The following PCDHGB2 variants were observed in gnomAD, a reference collection of about 807,000 sequenced individuals.
The protein encoded by PCDHGB2 is protocadherin gamma subfamily B, 2, also known as protocadherin gamma-B2.
Under a neutral mutation model 59.3 loss-of-function variants are expected in PCDHGB2, and 55 were observed. That is an observed-to-expected ratio of 0.93 (90% CI 0.75 to 1.16). PCDHGB2 has a LOEUF of 1.16. Ranked by LOEUF, PCDHGB2 falls within the 50% of genes most tolerant of loss-of-function variation. The probability of loss-of-function intolerance (pLI) is 0.00; values close to 1 mark genes in which losing one functional copy is unlikely to be tolerated. For missense variants in PCDHGB2, 1,228 were observed against 1,198.5 expected, an observed-to-expected ratio of 1.02 and a Z score of -0.36; for synonymous variants, 516 against 512.0, an observed-to-expected ratio of 1.01 and a Z score of -0.11.
intron 1 of PCDHGB2, among the ~76,000 whole-genome samples, chr5:141,474,234 T>C (rs1458919904): frequency 6.6e-6 from 1 of 152,204 alleles, no homozygotes; most frequent in Non-Finnish European, 1.5e-5. Flanking sequence ...TAAGTGATGC[T>C]GAATAGGGGA....
chr5:141,457,428 C>G (rs72790053), intron 1 of PCDHGB2, among the ~76,000 whole-genome samples: 1,866 of 152,262 alleles, frequency 0.012, 18 homozygotes, highest in Non-Finnish European at 0.017. Context: ...TTTTTCCCCC[C>G]CACCAAGCTG....
Position 141,456,380 on chromosome 5 carries a change from C to T in PCDHGB2, c.2422-38427C>T, listed in dbSNP as rs186993611. ...CCATGTGTGGTTCAGTTTACAGCAC[C>T]GTTTGGAGTTTGATTGCTTCTAGGC... is the stretch of plus-strand genomic sequence containing the variant. On this transcript the variant is annotated intron_variant, in intron 1 of 3. Coordinates refer to ENST00000522605, the MANE Select transcript of PCDHGB2 (RefSeq NM_018923.3). Among the ~76,000 whole-genome samples, 427 of 152,082 alleles carry T rather than the reference C, an allele frequency of 2.8e-3. 1 individual carries two copies. Among genetic ancestry groups the T allele is most frequent in the Non-Finnish European group, 2.7e-3 (184 of 68,004 alleles).
At chr5:141,422,149 C>G in intron 1 of PCDHGB2, 1 of 1,577,238 alleles carries the variant, frequency 6.3e-7, no homozygotes. Context: ...ACGGGGGTCT[C>G]TGGATTTTGA....
intron 1 of PCDHGB2, among the ~76,000 whole-genome samples, chr5:141,380,184 G>A (rs1776280762): frequency 6.6e-6 from 1 of 152,160 alleles, no homozygotes; most frequent in South Asian, 2.1e-4. Flanking sequence ...ACAGGCATGA[G>A]CCACTGAGCC....
chr5:141,411,859 C>CA (rs553337516), intron 1 of PCDHGB2: 8,585 of 145,752 alleles, frequency 0.059, 330 homozygotes, highest in Non-Finnish European at 0.088. Context: ...GACCCTGTCT[C>CA]AAAAAAAAAA....
rs1247556723 is a variant in PCDHGB2 at position 141,489,841 on chromosome 5, G to A, written c.2422-4966G>A. 6.2e-7 allele frequency: 1 copy of A among 1,614,224 alleles called. No individual in the cohort carries two copies. The highest frequency in any genetic ancestry group is 1.7e-5 in the Admixed American group (1 of 60,032). On this transcript the variant is annotated intron_variant, in intron 1 of 3. Coordinates refer to ENST00000522605, the MANE Select transcript of PCDHGB2 (RefSeq NM_018923.3). The surrounding 1 kb of genome is among the most constrained non-coding windows in gnomAD (Gnocchi z 4.5). Reference sequence around the variant, plus strand: ...AGAGCTGGTGCTAGAGCAGCAGCTGGATCGTGAAGCCCAGGCAAGACATCA... The same window carrying A: ...AGAGCTGGTGCTAGAGCAGCAGCTGAATCGTGAAGCCCAGGCAAGACATCA...
intron 1 of PCDHGB2, among the ~76,000 whole-genome samples, chr5:141,447,728 A>G (rs2098549955): frequency 6.6e-6 from 1 of 152,204 alleles, no homozygotes; most frequent in Non-Finnish European, 1.5e-5. Flanking sequence ...TCCAAAACTC[A>G]TTGAACTTAA....
chr5:141,413,418 G>C (rs748857146), intron 1 of PCDHGB2: 1 of 1,614,084 alleles, frequency 6.2e-7, no homozygotes, highest in Admixed American at 1.7e-5. Context: ...TTTTCTCTCT[G>C]AACCCGCGCA....
chr5:141,490,132 A>G lies in PCDHGB2; in HGVS notation c.2422-4675A>G, dbSNP rs1245562757. The G allele has an allele frequency of 3.7e-6, 6 of 1,614,102 alleles. No homozygotes were observed. In the African/African-American group the frequency reaches 4.0e-5, roughly 11 times the overall value. ...GCGGAACCTCTTTGGCCTAGACCCTAGCAGTGGGGCAATCCATGTGTTGGG... is the reference window on the plus strand; with the variant it reads ...GCGGAACCTCTTTGGCCTAGACCCTGGCAGTGGGGCAATCCATGTGTTGGG... On this transcript the variant is annotated intron_variant, in intron 1 of 3. Coordinates refer to ENST00000522605, the MANE Select transcript of PCDHGB2 (RefSeq NM_018923.3). The surrounding 1 kb of genome is among the most constrained non-coding windows in gnomAD (Gnocchi z 5.4).
At chr5:141,401,976 G>A (rs1479930250) in intron 1 of PCDHGB2, among the ~76,000 whole-genome samples, 2 of 152,062 alleles carry the variant, frequency 1.3e-5, no homozygotes, top group Admixed American at 1.3e-4. Context: ...ATTGATGAAG[G>A]ATTAAAATAG....
chr5:141,497,740 C>T (rs954595046), intron 2 of PCDHGB2, among the ~76,000 whole-genome samples: 1 of 152,054 alleles, frequency 6.6e-6, no homozygotes, highest in South Asian at 2.1e-4. Context: ...GGTTTCGCCA[C>T]GTTGGCCAGG....
At chr5:141,409,441 G>C (rs1432743588) in intron 1 of PCDHGB2, 1 of 1,613,884 alleles carries the variant, frequency 6.2e-7, no homozygotes, top group East Asian at 2.2e-5. Context: ...TGGACCGAGA[G>C]CAGACACCAG....
chr5:141,372,772 A>C (rs1359362991), intron 1 of PCDHGB2: 2 of 1,611,080 alleles, frequency 1.2e-6, no homozygotes, highest in Non-Finnish European at 1.7e-6. Flanking sequence ...AGTAATGACA[A>C]TCCAGAAATG....
At chr5:141,375,990 A>T (rs1451403518) in intron 1 of PCDHGB2, 1 of 1,613,398 alleles carries the variant, frequency 6.2e-7, no homozygotes, top group African/African-American at 1.3e-5. Flanking sequence ...CTGGACAGAG[A>T]CGCGCTCAAG....
At chr5:141,423,567 C>T (rs771827702) in intron 1 of PCDHGB2, 4 of 1,613,602 alleles carry the variant, frequency 2.5e-6, no homozygotes, top group Admixed American at 1.7e-5. Flanking sequence ...GGGACACGCT[C>T]ATCAGCCAGG....
chr5:141,496,164 C>A (rs745320704), intron 2 of PCDHGB2, among the ~76,000 whole-genome samples: 1 of 152,084 alleles, frequency 6.6e-6, no homozygotes, highest in East Asian at 1.9e-4. Flanking sequence ...CCACCAGACA[C>A]CCTCCCATCC....
intron 1 of PCDHGB2, chr5:141,419,210 G>A: frequency 6.2e-7 from 1 of 1,613,926 alleles, no homozygotes; most frequent in Non-Finnish European, 8.5e-7. Flanking sequence ...CAACGCGCCG[G>A]TTTTCGGACA....
chr5:141,414,435 C>T lies in PCDHGB2; in HGVS notation c.2421+51879C>T, dbSNP rs891322256. 4.3e-6 allele frequency: 7 copies of T among 1,613,678 alleles called. No homozygotes were observed. In the African/African-American group the frequency reaches 8.0e-5, roughly 18 times the overall value. On this transcript the variant is annotated intron_variant, in intron 1 of 3. Coordinates refer to ENST00000522605, the MANE Select transcript of PCDHGB2 (RefSeq NM_018923.3). ...GAGCCCTTGACAGGGAACAGGTATC[C>T]TCTTACAATATCACAGTGACAGCCA...
intron 1 of PCDHGB2, chr5:141,384,840 G>C: frequency 6.2e-7 from 1 of 1,613,610 alleles, no homozygotes; most frequent in African/African-American, 1.3e-5. Flanking sequence ...TGGCCGTCCA[G>C]GACCACGGTC....
Sources: allele counts gnomAD v4.1 joint callset (sites outside exome capture counted in the v4.1 genomes callset), GRCh38; gene constraint gnomAD v4.1.1; non-coding constraint Gnocchi (gnomAD v3.1); transcripts MANE v1.5; gene names NCBI Gene and HGNC (gene_info 2026-07-23, HGNC 2026-07-21).